Variants in UBE3D observed in about 807,000 individuals in gnomAD.
UBE3D encodes the protein ubiquitin protein ligase E3D.
Under a neutral mutation model 49.6 loss-of-function variants are expected in UBE3D, and 48 were observed. That is an observed-to-expected ratio of 0.97 (90% CI 0.77 to 1.23). The LOEUF is 1.23. Ranked by LOEUF, UBE3D falls within the 50% of genes most tolerant of loss-of-function variation. The probability of loss-of-function intolerance (pLI) is 0.00; values close to 1 mark genes in which losing one functional copy is unlikely to be tolerated. For synonymous variants in UBE3D, 189 were observed against 174.2 expected (o/e 1.08, Z -0.67); for missense variants, 452 against 468.4 (o/e 0.96, Z 0.32).
intron 9 of UBE3D, among the ~76,000 whole-genome samples, chr6:82,916,750 G>A (rs762964667): frequency 6.6e-6 from 1 of 152,192 alleles, no homozygotes; most frequent in Non-Finnish European, 1.5e-5. Context: ...TCTATCTCTA[G>A]TTCTAAGGAC....
At chr6:82,911,221 A>C (rs937064451) in intron 9 of UBE3D, among the ~76,000 whole-genome samples, 2 of 151,130 alleles carry the variant, frequency 1.3e-5, no homozygotes, top group East Asian at 3.9e-4. Flanking sequence ...AAAAAAAAAA[A>C]AACTCAGGGG....
intron 1 of UBE3D, chr6:83,063,185 G>C: frequency 3.5e-6 from 1 of 281,824 alleles, no homozygotes; most frequent in Non-Finnish European, 7.1e-6. Context: ...GTCCAAAGTG[G>C]GTGGATCGCT....
the UBE3D span, among the ~76,000 whole-genome samples, chr6:82,885,281 T>C: frequency 3.3e-5 from 5 of 152,330 alleles, no homozygotes; most frequent in South Asian, 1.0e-3. Context: ...TCAACCTACC[T>C]TGTGCTCTGC....
At chr6:82,991,616 TC>T (rs1778888069) in intron 8 of UBE3D, among the ~76,000 whole-genome samples, 2 of 151,914 alleles carry the variant, frequency 1.3e-5, no homozygotes, top group Non-Finnish European at 1.5e-5. Flanking sequence ...GTGTAAATCC[TC>T]CTCCTCCAAA....
At chr6:82,971,139 A>G (rs1457840165) in intron 8 of UBE3D, among the ~76,000 whole-genome samples, 2 of 152,186 alleles carry the variant, frequency 1.3e-5, no homozygotes, top group Non-Finnish European at 2.9e-5. Context: ...TTCTGACAAA[A>G]TAATTAAAAC....
At chr6:82,905,885 A>G (rs1772065489) in intron 9 of UBE3D, among the ~76,000 whole-genome samples, 1 of 152,186 alleles carries the variant, frequency 6.6e-6, no homozygotes, top group Non-Finnish European at 1.5e-5. Context: ...CAACAAATCT[A>G]CATACATTTA....
chr6:82,887,513 A>C (rs1033565127), downstream of UBE3D, among the ~76,000 whole-genome samples: 18 of 149,806 alleles, frequency 1.2e-4, no homozygotes, highest in African/African-American at 3.7e-4. Context: ...GCTCGAGACC[A>C]GTCTGGCCAA....
intron 4 of UBE3D, among the ~76,000 whole-genome samples, chr6:83,042,023 C>A (rs1782708937): frequency 6.6e-6 from 1 of 152,096 alleles, no homozygotes; most frequent in African/African-American, 2.4e-5. Context: ...GATTCTCCTG[C>A]CTCAGCCTCC....
intron 9 of UBE3D, among the ~76,000 whole-genome samples, chr6:82,943,922 G>A (rs975304229): frequency 1.3e-5 from 2 of 152,130 alleles, no homozygotes; most frequent in Non-Finnish European, 2.9e-5. Context: ...CAAGCAGGGA[G>A]CATGCAGATC....
intron 5 of UBE3D, 32 bp from the exon 6 acceptor site, chr6:83,024,070 C>A: frequency 8.3e-7 from 1 of 1,198,902 alleles, no homozygotes. Flanking sequence ...AAGACTCTCC[C>A]CAATACACTA....
At chr6:82,970,991 T>C (rs1013460147) in intron 8 of UBE3D, among the ~76,000 whole-genome samples, 2 of 152,188 alleles carry the variant, frequency 1.3e-5, no homozygotes, top group African/African-American at 4.8e-5. Flanking sequence ...TTACCATCTT[T>C]TATATAAATA....
In UBE3D at chr6:83,014,567, CT is replaced by C. The variant is rs572535097; in HGVS notation, c.1010+4405del. Among the ~76,000 whole-genome samples the C allele has an allele frequency of 7.9e-5, 12 of 152,314 alleles. No individual in the cohort carries two copies. The East Asian group carries it at 2.3e-3, about 29-fold the overall frequency. On this transcript the variant is annotated intron_variant, in intron 8 of 9. Transcript: ENST00000369747. ...TCAATTACCTGACCTCCATAAACCC[CT>C]ATTTTAACTTGAGGACCACAATGAT...
chr6:82,893,061 C>T lies in UBE3D; in HGVS notation c.1150-19G>A. 1 of 1,613,216 alleles carries T rather than the reference C, an allele frequency of 6.2e-7. No homozygotes were observed. The highest frequency in any genetic ancestry group is 1.3e-5 in the African/African-American group (1 of 74,974). ...AGGCCACCTGGAGAAGGAAGAAAAA[C>T]CCACAATGCTTTACTTCTATAATAT... On this transcript the variant is annotated intron_variant, in intron 9 of 9. Coordinates refer to ENST00000369747, the MANE Select transcript of UBE3D (RefSeq NM_198920.3).
rs949590074 is a variant in UBE3D at position 82,957,948 on chromosome 6, T to TA, written c.1011-499dup. On this transcript the variant is annotated intron_variant, in intron 8 of 9. Coordinates refer to ENST00000369747, the MANE Select transcript of UBE3D (RefSeq NM_198920.3). ...TTAAAAAGTGACAGAATCCTTTTGT[T>TA]AAAAAAAAAATCTTGTAACAGCCCC... Among the ~76,000 whole-genome samples, 21 of 150,484 alleles carry TA rather than the reference T, an allele frequency of 1.4e-4. No homozygotes were observed. In the South Asian group the frequency reaches 2.1e-3, roughly 15 times the overall value.
chr6:83,060,026 C>T (rs1784069313), intron 1 of UBE3D, among the ~76,000 whole-genome samples: 1 of 152,166 alleles, frequency 6.6e-6, no homozygotes, highest in South Asian at 2.1e-4. Flanking sequence ...AGTTCAGTGC[C>T]TCTTCCTCTT....
intron 9 of UBE3D, chr6:82,932,472 T>A (rs1229272837): frequency 6.6e-6 from 1 of 152,148 alleles, no homozygotes; most frequent in Non-Finnish European, 1.5e-5. Context: ...GTGATCTGCT[T>A]GGTCATTTTC....
intron 8 of UBE3D, among the ~76,000 whole-genome samples, chr6:82,998,800 C>T (rs1779418541): frequency 6.6e-6 from 1 of 152,182 alleles, no homozygotes; most frequent in Non-Finnish European, 1.5e-5. Flanking sequence ...TATAATAATA[C>T]TTAATACAAG....
intron 9 of UBE3D, among the ~76,000 whole-genome samples, chr6:82,924,029 C>G (rs1471970579): frequency 6.7e-6 from 1 of 149,454 alleles, no homozygotes; most frequent in Non-Finnish European, 1.5e-5. Flanking sequence ...AATGGTGAAG[C>G]AGTGAAAAGA....
chr6:83,045,190 A>T (rs1782947947), intron 3 of UBE3D, among the ~76,000 whole-genome samples: 1 of 152,180 alleles, frequency 6.6e-6, no homozygotes, highest in Non-Finnish European at 1.5e-5. Flanking sequence ...TAAGTGTGAG[A>T]TGATAAGCAC....
Sources: allele counts gnomAD v4.1 joint callset (sites outside exome capture counted in the v4.1 genomes callset), GRCh38; gene constraint gnomAD v4.1.1; transcripts MANE v1.5; gene names NCBI Gene and HGNC (gene_info 2026-07-23, HGNC 2026-07-21).